The following MYO1E variants were observed in gnomAD, a reference collection of about 807,000 sequenced individuals.
MYO1E encodes the protein myosin IE, also known as unconventional myosin-Ie.
Under a neutral mutation model 151.1 loss-of-function variants are expected in MYO1E, and 68 were observed. The ratio of observed to expected loss-of-function variants is 0.45; its 90% confidence interval spans 0.37 to 0.55. MYO1E has a LOEUF of 0.55. MYO1E is among the 20% of genes least tolerant of loss of function. The probability of loss-of-function intolerance (pLI) is 0.00; values close to 1 mark genes in which losing one functional copy is unlikely to be tolerated. For synonymous variants in MYO1E, 601 were observed against 501.7 expected (o/e 1.20, Z -2.64); for missense variants, 1,363 against 1,389.3 (o/e 0.98, Z 0.30).
intron 26 of MYO1E, among the ~76,000 whole-genome samples, chr15:59,143,116 A>G (rs2079420883): frequency 6.6e-6 from 1 of 152,186 alleles, no homozygotes; most frequent in African/African-American, 2.4e-5. Context: ...CTTCCTCAGG[A>G]TAAGTGACTC....
At position 59,261,333 on chromosome 15, in the gene MYO1E, G is replaced by A. The variant is rs1430964314; in HGVS notation, c.237+87C>T. 1.1e-5 allele frequency: 10 copies of A among 903,600 alleles called. No homozygotes were observed. In the African/African-American group the frequency reaches 1.3e-4, roughly 12 times the overall value. The allele number at this position is 903,600 out of a possible 1,614,324, so 56.0% of individuals were successfully genotyped here. ...AATAAAAAATTCATAATAGAAAAGT[G>A]CAAAAGTACTGCTAACTTCAAGAAA... On this transcript the variant is annotated intron_variant, in intron 3 of 27. Coordinates refer to ENST00000288235, the MANE Select transcript of MYO1E (RefSeq NM_004998.4).
chr15:59,147,795 G>GGT (rs1269984130), intron 26 of MYO1E, among the ~76,000 whole-genome samples: 24 of 151,924 alleles, frequency 1.6e-4, no homozygotes, highest in African/African-American at 5.3e-4. Flanking sequence ...AGCTGCCAAG[G>GGT]GTGTGTGTGT....
At chr15:59,145,013 T>C (rs796148997) in intron 26 of MYO1E, among the ~76,000 whole-genome samples, 24 of 152,142 alleles carry the variant, frequency 1.6e-4, no homozygotes, top group African/African-American at 4.3e-4. Flanking sequence ...CCGGCTAATC[T>C]TGTATTTTTA....
rs1293208764 is a variant in MYO1E at position 59,132,963 on chromosome 15, G to C, written c.*4417C>G. The C allele has an allele frequency of 6.6e-6, 1 of 152,220 alleles. No homozygotes were observed. 9.4% of individuals were successfully genotyped at this position (152,220 alleles called of 1,614,324 possible). A position where few individuals can be genotyped will look rare whatever the true frequency, so the allele number is the denominator to read the frequency against. ...TCTAGCTGTTGAGTTTTATGCGTGA[G>C]TTTTCTTCTCTCTCTCTTTTTAAAT... On this transcript the variant is annotated 3_prime_UTR_variant, in exon 28 of 28. Coordinates refer to ENST00000288235, the MANE Select transcript of MYO1E (RefSeq NM_004998.4).
At chr15:59,372,468 G>C (rs2080953202) in intron 1 of MYO1E, 30 bp downstream of exon 1, 1 of 1,537,946 alleles carries the variant, frequency 6.5e-7, no homozygotes, top group African/African-American at 1.4e-5. Context: ...CCCGGGTCCG[G>C]CGTCCTAGGA....
intron 26 of MYO1E, among the ~76,000 whole-genome samples, chr15:59,147,596 C>CAAAAAAAAAAAAAAAAAAA (rs748173480): frequency 1.2e-4 from 8 of 66,094 alleles, no homozygotes; most frequent in Admixed American, 2.5e-4. Flanking sequence ...GACTCTGTCT[C>CAAAAAAAAAAAAAAAAAAA]AAAAAAAAAA....
chr15:59,192,979 T>C (rs1352087901), intron 17 of MYO1E, among the ~76,000 whole-genome samples: 1 of 150,848 alleles, frequency 6.6e-6, no homozygotes, highest in Non-Finnish European at 1.5e-5. Context: ...CTATTCTAGA[T>C]GGACCCTCTT....
intron 22 of MYO1E, among the ~76,000 whole-genome samples, chr15:59,169,276 G>A (rs1054017853): frequency 3.9e-5 from 6 of 152,210 alleles, no homozygotes; most frequent in African/African-American, 1.4e-4. Flanking sequence ...TACAGATGTT[G>A]CAGCTTTTTT....
intron 1 of MYO1E, among the ~76,000 whole-genome samples, chr15:59,301,832 G>C (rs1223240086): frequency 5.3e-5 from 8 of 152,208 alleles, no homozygotes; most frequent in African/African-American, 1.9e-4. Context: ...TTCCAAGATA[G>C]AGAACGGGAA....
intron 18 of MYO1E, among the ~76,000 whole-genome samples, chr15:59,181,951 GT>G (rs1479726685): frequency 3.3e-5 from 5 of 152,170 alleles, no homozygotes. Flanking sequence ...TCAATTACTT[GT>G]AGAGCATCAT....
rs532241118 is a variant in MYO1E at position 59,230,627 on chromosome 15, G to A, written c.510+1075C>T. ...CAACTCAGGCATTGGGCCCAAATAT[G>A]AGAGACAAACAAATGAGTAGTTTGA... On this transcript the variant is annotated intron_variant, in intron 6 of 27. Coordinates refer to ENST00000288235, the MANE Select transcript of MYO1E (RefSeq NM_004998.4). Among the ~76,000 whole-genome samples the A allele has an allele frequency of 2.0e-5, 3 of 152,204 alleles. No individual in the cohort carries two copies. The South Asian group carries it at 6.2e-4, about 32-fold the overall frequency.
chr15:59,278,756 C>T (rs1044659412), intron 1 of MYO1E, among the ~76,000 whole-genome samples: 2 of 152,174 alleles, frequency 1.3e-5, no homozygotes, highest in African/African-American at 4.8e-5. Flanking sequence ...TAGCCAACAA[C>T]CCACTCTCAA....
At chr15:59,370,107 GGCC>G in intron 1 of MYO1E, among the ~76,000 whole-genome samples, 1 of 152,078 alleles carries the variant, frequency 6.6e-6, no homozygotes, top group South Asian at 2.1e-4. Context: ...CACTGCGCCT[GGCC>G]GCCAAGGGCC....
chr15:59,199,384 G>C (rs1385675358), intron 16 of MYO1E, among the ~76,000 whole-genome samples: 1 of 152,116 alleles, frequency 6.6e-6, no homozygotes, highest in African/African-American at 2.4e-5. Context: ...TGCCCGGCCT[G>C]CATTATACTT....
rs2080613874 is a variant in MYO1E, at chr15:59,319,685, C to T, written c.4-47236G>A. Among the ~76,000 whole-genome samples, 12 of 150,104 alleles carry T rather than the reference C, an allele frequency of 8.0e-5. No homozygotes were observed. The South Asian group carries it at 2.1e-3, about 26-fold the overall frequency. On this transcript the variant is annotated intron_variant, in intron 1 of 27. Coordinates refer to ENST00000288235, the MANE Select transcript of MYO1E (RefSeq NM_004998.4). ...TTGAGAGGCCGAGGCATGCGGATCA[C>T]CTGAGGTCAGGAGTTTGAGACCAGC...
At chr15:59,147,268 A>G (rs1407098565) in intron 26 of MYO1E, among the ~76,000 whole-genome samples, 2 of 152,146 alleles carry the variant, frequency 1.3e-5, no homozygotes, top group Non-Finnish European at 2.9e-5. Context: ...TGGGCTGTTC[A>G]TTGTTATGAT....
At chr15:59,313,972 C>T (rs60111730) in intron 1 of MYO1E, among the ~76,000 whole-genome samples, 24 of 152,284 alleles carry the variant, frequency 1.6e-4, no homozygotes, top group Middle Eastern at 3.4e-3. Flanking sequence ...AGTTAGACAG[C>T]GTGGCCTCCT....
At chr15:59,290,926 A>G (rs1258773380) in intron 1 of MYO1E, among the ~76,000 whole-genome samples, 1 of 152,230 alleles carries the variant, frequency 6.6e-6, no homozygotes, top group African/African-American at 2.4e-5. Flanking sequence ...AAATCATTTT[A>G]TGCAAGGAAT....
chr15:59,196,331 G>T (rs1035870897), intron 16 of MYO1E, among the ~76,000 whole-genome samples: 4 of 152,194 alleles, frequency 2.6e-5, no homozygotes, highest in South Asian at 2.1e-4. Context: ...AATTGCTTAT[G>T]AAGTATTTTA....
Sources: allele counts gnomAD v4.1 joint callset (sites outside exome capture counted in the v4.1 genomes callset), GRCh38; gene constraint gnomAD v4.1.1; transcripts MANE v1.5; gene names NCBI Gene and HGNC (gene_info 2026-07-23, HGNC 2026-07-21).